Variants in GNAQ observed in about 807,000 individuals in gnomAD.
GNAQ encodes G protein subunit alpha q, also known as guanine nucleotide-binding protein G(q) subunit alpha.
A neutral mutation model predicts 43.9 loss-of-function variants in GNAQ; 8 were observed. The observed-to-expected ratio is 0.18, with a 90% CI of 0.11 to 0.33. The LOEUF (loss-of-function observed/expected upper bound fraction) is 0.33, where lower values mean the gene tolerates loss of function less well. Ranked by LOEUF, GNAQ falls within the 10% of genes least tolerant of loss-of-function variation. The probability of loss-of-function intolerance (pLI) is 1.00; values close to 1 mark genes in which losing one functional copy is unlikely to be tolerated. For missense variants in GNAQ, 158 were observed against 450.8 expected (o/e 0.35, Z 5.88); for synonymous variants, 155 against 170.7 (o/e 0.91, Z 0.71).
intron 2 of GNAQ, among the ~76,000 whole-genome samples, chr9:77,868,423 G>A (rs1376534393): frequency 1.3e-5 from 2 of 152,260 alleles, no homozygotes; most frequent in Non-Finnish European, 2.9e-5. Flanking sequence ...CCTTTAATAA[G>A]GAAGCAGTTT....
intron 2 of GNAQ, among the ~76,000 whole-genome samples, chr9:77,899,810 A>G (rs1447638420): frequency 6.6e-6 from 1 of 152,194 alleles, no homozygotes; most frequent in Non-Finnish European, 1.5e-5. Flanking sequence ...CACATATTTA[A>G]CAAATATGTA....
chr9:77,868,452 T>C (rs1456318439), intron 2 of GNAQ, among the ~76,000 whole-genome samples: 2 of 152,236 alleles, frequency 1.3e-5, no homozygotes, highest in African/African-American at 2.4e-5. Context: ...TCTTCTGGAA[T>C]GATGACATTT....
intron 5 of GNAQ, among the ~76,000 whole-genome samples, chr9:77,731,428 C>T (rs1231580618): frequency 1.3e-5 from 2 of 152,164 alleles, no homozygotes; most frequent in African/African-American, 4.8e-5. Context: ...TGAAGCTCAC[C>T]CATGCATGCA....
At chr9:77,747,034 G>A (rs1564098102) in intron 5 of GNAQ, among the ~76,000 whole-genome samples, 1 of 152,114 alleles carries the variant, frequency 6.6e-6, no homozygotes, top group African/African-American at 2.4e-5. Flanking sequence ...TGGTTCAGGT[G>A]TAAAATACAG....
chr9:78,022,634 G>A (rs548322435), intron 1 of GNAQ, among the ~76,000 whole-genome samples: 16 of 152,298 alleles, frequency 1.1e-4, no homozygotes, highest in African/African-American at 2.9e-4. Context: ...ACAGAGACAA[G>A]AGAGTTAAAC....
At chr9:78,013,199 T>C (rs543433165) in intron 1 of GNAQ, among the ~76,000 whole-genome samples, 176 of 152,324 alleles carry the variant, frequency 1.2e-3, no homozygotes, top group African/African-American at 4.1e-3. Context: ...CCATATTATA[T>C]TGAAATTAAG....
chr9:77,987,959 G>A (rs1483638906), intron 1 of GNAQ, among the ~76,000 whole-genome samples: 2 of 152,232 alleles, frequency 1.3e-5, no homozygotes, highest in East Asian at 3.9e-4. Context: ...TGGTCAGCAA[G>A]TCCTCACTGA....
intron 5 of GNAQ, among the ~76,000 whole-genome samples, chr9:77,735,770 G>A (rs906239176): frequency 3.9e-5 from 6 of 152,184 alleles, no homozygotes; most frequent in Admixed American, 1.3e-4. Context: ...GGGAGAGTAC[G>A]CTGACATGGC....
chr9:77,734,863 T>C (rs1480135355), intron 5 of GNAQ, among the ~76,000 whole-genome samples: 2 of 152,184 alleles, frequency 1.3e-5, no homozygotes, highest in Non-Finnish European at 2.9e-5. Context: ...GTCTATAAAG[T>C]CGACTGCTCA....
chr9:77,838,555 T>C (rs1048600347), intron 2 of GNAQ, among the ~76,000 whole-genome samples: 1 of 152,018 alleles, frequency 6.6e-6, no homozygotes, highest in Admixed American at 6.6e-5. Flanking sequence ...GAAGCAACTA[T>C]ATTTCTGCCT....
At chr9:77,989,001 A>C (rs558366505) in intron 1 of GNAQ, among the ~76,000 whole-genome samples, 1 of 152,330 alleles carries the variant, frequency 6.6e-6, no homozygotes, top group African/African-American at 2.4e-5. Context: ...TTCAAGCCCC[A>C]TGCCAGAGAT....
intron 1 of GNAQ, among the ~76,000 whole-genome samples, chr9:77,984,078 C>CAAAAAAA (rs1823403221): frequency 3.2e-5 from 3 of 92,964 alleles, no homozygotes; most frequent in African/African-American, 4.4e-5. Flanking sequence ...AAAAAAAAAT[C>CAAAAAAA]ACCTAGATGA....
chr9:77,970,608 G>A (rs1318333680), intron 1 of GNAQ, among the ~76,000 whole-genome samples: 9 of 152,120 alleles, frequency 5.9e-5, no homozygotes, highest in Admixed American at 1.3e-4. Context: ...AAGACACAGC[G>A]TACCAGAATC....
chr9:77,967,219 C>A (rs1381294907), intron 1 of GNAQ, among the ~76,000 whole-genome samples: 7 of 152,160 alleles, frequency 4.6e-5, no homozygotes, highest in Non-Finnish European at 1.0e-4. Context: ...TACATGTATA[C>A]CCCTGTTGGG....
At chr9:77,769,734 C>T (rs372178781) in intron 5 of GNAQ, among the ~76,000 whole-genome samples, 11 of 150,070 alleles carry the variant, frequency 7.3e-5, no homozygotes, top group African/African-American at 2.2e-4. Flanking sequence ...GCGCGATCTC[C>T]GCTCACTGCA....
At chr9:77,893,737 G>A (rs1487213394) in intron 2 of GNAQ, among the ~76,000 whole-genome samples, 1 of 152,106 alleles carries the variant, frequency 6.6e-6, no homozygotes, top group East Asian at 1.9e-4. Context: ...GAACTAGTAG[G>A]TCATACAAGT....
intron 5 of GNAQ, among the ~76,000 whole-genome samples, chr9:77,755,510 A>G (rs1403057172): frequency 6.6e-6 from 1 of 152,208 alleles, no homozygotes; most frequent in East Asian, 1.9e-4. Flanking sequence ...TTTTTTTAAA[A>G]AAAGAAACTT....
intron 2 of GNAQ, among the ~76,000 whole-genome samples, chr9:77,885,428 G>A (rs986166513): frequency 6.6e-6 from 1 of 152,156 alleles, no homozygotes; most frequent in African/African-American, 2.4e-5. Flanking sequence ...CTTTCTATTT[G>A]TTAAGGGGAG....
chr9:77,889,409 TCA>T (rs1491329105), intron 2 of GNAQ, among the ~76,000 whole-genome samples: 5 of 22,028 alleles, frequency 2.3e-4, no homozygotes, highest in Non-Finnish European at 3.9e-4. Context: ...AGACCCTGTC[TCA>T]AAAAAAAAAA....
Sources: gnomAD v4.1 joint callset for allele counts (sites outside exome capture counted in the v4.1 genomes callset) on GRCh38, gnomAD v4.1.1 for gene constraint, MANE v1.5 for transcripts, NCBI Gene and HGNC (gene_info 2026-07-23, HGNC 2026-07-21) for gene names.